The following PUM1 variants were observed in gnomAD, a reference collection of about 807,000 sequenced individuals.
PUM1 encodes the protein pumilio RNA binding family member 1.
PUM1 carries 13 observed loss-of-function variants against 131.8 expected under a neutral mutation model. The ratio of observed to expected loss-of-function variants is 0.10; its 90% CI spans 0.06 to 0.16. PUM1 has a LOEUF of 0.16. Ranked by LOEUF, PUM1 falls within the 10% of genes least tolerant of loss-of-function variation. PUM1 has a pLI of 1.00. For synonymous variants in PUM1, 509 were observed against 556.5 expected (o/e 0.91, Z 1.20); for missense variants, 961 against 1,512.4 (o/e 0.64, Z 6.05).
intron 7 of PUM1, among the ~76,000 whole-genome samples, chr1:30,987,811 T>G (rs1240495884): frequency 6.6e-6 from 1 of 152,234 alleles, no homozygotes; most frequent in Non-Finnish European, 1.5e-5. Flanking sequence ...AAATTTAGCA[T>G]GTTCTTCAAT....
intron 3 of PUM1, among the ~76,000 whole-genome samples, chr1:31,009,552 G>A (rs1486270420): frequency 6.6e-6 from 1 of 151,944 alleles, no homozygotes; most frequent in South Asian, 2.1e-4. Context: ...AATCACCTGA[G>A]GTCAGGAGTT....
intron 21 of PUM1, among the ~76,000 whole-genome samples, chr1:30,935,927 GC>G (rs922245045): frequency 8.0e-6 from 1 of 124,300 alleles, no homozygotes; most frequent in African/African-American, 3.0e-5. Context: ...TGCCTCCTGG[GC>G]CCTGTGGTGT....
chr1:30,974,523 A>G (rs1311112986), intron 10 of PUM1, 128 bp downstream of exon 10: 3 of 886,602 alleles, frequency 3.4e-6, no homozygotes, highest in Non-Finnish European at 5.0e-6. Flanking sequence ...GAACTCAGAC[A>G]CACATATATA....
chr1:30,964,749 T>G lies in PUM1; in HGVS notation c.2248A>C (p.Ser750Arg). The change falls in exon 14 of 22, where the codon AGT becomes CGT. Residue 750 changes from serine (S) to arginine (R), a missense_variant. By Grantham distance (110) the Ser-to-Arg change is moderately radical. This residue lies in a region of PUM1 where 117 missense variants were observed against 200.7 expected (regional missense o/e 0.58). Coordinates refer to ENST00000426105, the MANE Select transcript of PUM1 (RefSeq NM_001020658.2). ...SPGPVGMPLPSQGPGHSQTPP... is the reference protein window; with the variant it reads ...SPGPVGMPLPRQGPGHSQTPP... ...GTCTGTGAATGTCCTGGTCCCTGAC[T>G]AGGGAGAGGCATGCCCACGGGTCCA... 1 of 1,613,976 alleles carries G rather than the reference T, an allele frequency of 6.2e-7. No individual in the cohort carries two copies. The highest frequency in any genetic ancestry group is 1.1e-5 in the South Asian group (1 of 91,072).
intron 3 of PUM1, among the ~76,000 whole-genome samples, chr1:31,016,184 C>T (rs7545928): frequency 6.6e-6 from 1 of 152,198 alleles, no homozygotes; most frequent in Non-Finnish European, 1.5e-5. Flanking sequence ...TCAGATTTCA[C>T]GTTTCCAGAT....
intron 7 of PUM1, among the ~76,000 whole-genome samples, chr1:30,983,969 G>A (rs1177530567): frequency 2.6e-5 from 4 of 152,028 alleles, no homozygotes; most frequent in African/African-American, 4.8e-5. Context: ...AAATATACAC[G>A]GAAATACATG....
Position 30,932,194 on chromosome 1 carries a change from G to A in PUM1, c.*1017C>T, listed in dbSNP as rs373608461. On this transcript the variant is annotated 3_prime_UTR_variant, in exon 22 of 22. Transcript: ENST00000426105. The stretch of plus-strand genomic sequence containing the variant: ...TAATTCTCTTTTCTTACCAAAAAAC[G>A]TGTTTATGTTGATTCAAACTTCTCC... 6 of 152,518 alleles carry A rather than the reference G, an allele frequency of 3.9e-5. No homozygotes were observed. Among genetic ancestry groups the A allele is most frequent in the South Asian group, 2.1e-4 (1 of 4,828 alleles). 9.4% of individuals were successfully genotyped at this position (152,518 alleles called of 1,614,324 possible). A position where few individuals can be genotyped will look rare whatever the true frequency, so the allele number is the denominator to read the frequency against.
chr1:31,049,708 T>C (rs1357674593), intron 2 of PUM1, among the ~76,000 whole-genome samples: 1 of 151,746 alleles, frequency 6.6e-6, no homozygotes, highest in Admixed American at 6.6e-5. Flanking sequence ...TTAAAAAACC[T>C]TCTAAAATTA....
chr1:30,941,110 C>T (rs1261772364), intron 20 of PUM1, 41 bp downstream of exon 20: 6 of 1,574,778 alleles, frequency 3.8e-6, no homozygotes, highest in Non-Finnish European at 4.3e-6. Context: ...ACTACTAATC[C>T]TCTCTTCTGG....
At chr1:30,973,646 AC>A (rs1263560001) in intron 10 of PUM1, among the ~76,000 whole-genome samples, 1 of 152,242 alleles carries the variant, frequency 6.6e-6, no homozygotes, top group African/African-American at 2.4e-5. Flanking sequence ...ATGTAAAACC[AC>A]GTGGACACAA....
intron 21 of PUM1, 104 bp downstream of exon 21, chr1:30,936,539 G>A: frequency 8.8e-7 from 1 of 1,133,996 alleles, no homozygotes; most frequent in South Asian, 1.6e-5. Flanking sequence ...AGAGGTCAGT[G>A]ACAAACTCTT....
At chr1:31,002,069 C>T (rs533673354) in intron 5 of PUM1, among the ~76,000 whole-genome samples, 1 of 152,298 alleles carries the variant, frequency 6.6e-6, no homozygotes, top group South Asian at 2.1e-4. Context: ...ATATGCTACA[C>T]AGCCGTATGA....
At chr1:30,984,915 G>A (rs980260077) in intron 7 of PUM1, among the ~76,000 whole-genome samples, 4 of 151,648 alleles carry the variant, frequency 2.6e-5, no homozygotes, top group African/African-American at 9.7e-5. Context: ...AAAGACTACC[G>A]CCCCCACTCC....
intron 2 of PUM1, among the ~76,000 whole-genome samples, chr1:31,053,471 G>A (rs1644161504): frequency 6.7e-6 from 1 of 150,364 alleles, no homozygotes; most frequent in Non-Finnish European, 1.5e-5. Flanking sequence ...AGCACTTTGG[G>A]AGGCCTTTTT....
At chr1:31,052,828 C>T (rs1282106103) in intron 2 of PUM1, among the ~76,000 whole-genome samples, 2 of 151,066 alleles carry the variant, frequency 1.3e-5, no homozygotes, top group African/African-American at 4.9e-5. Context: ...CTCAGCCTCT[C>T]GAGCAGCTGG....
At chr1:30,941,856 C>A (rs1557544819) in intron 19 of PUM1, 142 bp downstream of exon 19, 1 of 970,622 alleles carries the variant, frequency 1.0e-6, no homozygotes, top group Admixed American at 1.9e-5. Flanking sequence ...CCAAGCTGCT[C>A]TGAATACAAA....
chr1:31,050,894 G>T, intron 2 of PUM1: 1 of 253,998 alleles, frequency 3.9e-6, no homozygotes, highest in East Asian at 1.1e-4. Flanking sequence ...CAGCTCTACT[G>T]GAGCCACTCG....
chr1:31,021,960 G>A (rs986610269), intron 3 of PUM1, among the ~76,000 whole-genome samples: 4 of 151,136 alleles, frequency 2.6e-5, no homozygotes, highest in African/African-American at 9.7e-5. Flanking sequence ...AAAAAAAAAA[G>A]GCATCATAAT....
At chr1:30,933,688 C>T (rs530298339) in intron 21 of PUM1, among the ~76,000 whole-genome samples, 3 of 152,290 alleles carry the variant, frequency 2.0e-5, no homozygotes, top group South Asian at 2.1e-4. Flanking sequence ...GCCCACTACC[C>T]GCCAGCTGCA....
Sources: gnomAD v4.1 joint callset for allele counts (sites outside exome capture counted in the v4.1 genomes callset) on GRCh38, gnomAD v4.1.1 for gene constraint, gnomAD v4.1.1 regional missense constraint, MANE v1.5 for transcripts, NCBI Gene and HGNC (gene_info 2026-07-23, HGNC 2026-07-21) for gene names.